Variants in ZNF804A observed in about 807,000 individuals in gnomAD.
ZNF804A encodes the protein zinc finger protein 804A.
In ZNF804A, 2 loss-of-function variants were observed where a neutral mutation model predicts 16.5. The observed-to-expected ratio is 0.12, with a 90% CI of 0.05 to 0.38. The LOEUF (loss-of-function observed/expected upper bound fraction) is 0.38. Among genes scored for constraint, ZNF804A ranks in the 10% least tolerant of loss-of-function variants. ZNF804A has a pLI of 0.99. For missense variants in ZNF804A, 1,473 were observed against 1,390.7 expected (o/e 1.06, Z -0.94); for synonymous variants, 534 against 489.6 (o/e 1.09, Z -1.20).
At position 184,938,836 on chromosome 2, in the gene ZNF804A, C is replaced by A. The variant is rs1178703799; in HGVS notation, c.3440C>A (p.Ser1147Ter). The change falls in exon 4 of 4, where the codon TCA becomes TAA. Residue 1147 changes from serine to a stop codon, truncating the protein, a stop_gained. Coordinates refer to ENST00000302277, the MANE Select transcript of ZNF804A (RefSeq NM_194250.2). LOFTEE classifies it low-confidence loss of function (END_TRUNC). ...ALTRTSLPQL[S>*]VGPVGPRLCP... ...ACCAGAACCTCATTACCTCAGCTCT[C>A]AGTAGGACCAGTAGGACCGAGGCTT... 1 of 1,614,002 alleles carries A rather than the reference C, an allele frequency of 6.2e-7. No individual in the cohort carries two copies.
rs375994790 is a variant in ZNF804A, at chr2:184,936,884, A to G, written c.1488A>G (p.Pro496=). ...QQKQEDICMG[P]LSDYKDVSTE... is the part of the protein sequence containing the mutation. ...AGCAGGAAGACATTTGCATGGGACC[A>G]CTTTCAGATTACAAGGATGTATCTA... The change falls in exon 4 of 4, where the codon CCA becomes CCG. Residue 496 remains proline (P), a synonymous_variant. Transcript: ENST00000302277. 6 of 1,613,606 alleles carry G rather than the reference A, an allele frequency of 3.7e-6. No individual in the cohort carries two copies. The highest frequency in any genetic ancestry group is 5.1e-6 in the Non-Finnish European group (6 of 1,179,768).
chr2:184,744,363 A>T lies in ZNF804A; in HGVS notation c.112-122006A>T, dbSNP rs1348984922. ...GTCTCCCCAAAATTCATATGTTGAA[A>T]CCCTAACCCCTAAGGTGATTTTAAG... On this transcript the variant is annotated intron_variant, in intron 1 of 3. Coordinates refer to ENST00000302277, the MANE Select transcript of ZNF804A (RefSeq NM_194250.2). Among the ~76,000 whole-genome samples, 4 of 151,906 alleles carry T rather than the reference A, an allele frequency of 2.6e-5. No homozygotes were observed. In the South Asian group the frequency reaches 8.3e-4, roughly 32 times the overall value.
chr2:184,814,106 T>C (rs1338105428), intron 1 of ZNF804A, among the ~76,000 whole-genome samples: 1 of 144,720 alleles, frequency 6.9e-6, no homozygotes, highest in Non-Finnish European at 1.5e-5. Flanking sequence ...GGCTGAAGAC[T>C]GATTTCTCTC....
chr2:184,811,436 A>G (rs1387154187), intron 1 of ZNF804A, among the ~76,000 whole-genome samples: 1 of 89,854 alleles, frequency 1.1e-5, no homozygotes, highest in Non-Finnish European at 2.3e-5. Flanking sequence ...TATTACTAAG[A>G]TTATTAGTAT....
intron 2 of ZNF804A, among the ~76,000 whole-genome samples, chr2:184,904,759 C>T (rs1685243859): frequency 6.6e-6 from 1 of 151,972 alleles, no homozygotes; most frequent in African/African-American, 2.4e-5. Flanking sequence ...TGTAGTCTAT[C>T]AGTTTTCTTT....
intron 1 of ZNF804A, among the ~76,000 whole-genome samples, chr2:184,668,755 T>C (rs1692293484): frequency 6.6e-6 from 1 of 152,038 alleles, no homozygotes; most frequent in South Asian, 2.1e-4. Context: ...TTATATATTA[T>C]AAATAGCTAG....
chr2:184,657,772 A>C (rs146552654), intron 1 of ZNF804A, among the ~76,000 whole-genome samples: 56 of 152,256 alleles, frequency 3.7e-4, no homozygotes, highest in African/African-American at 1.3e-3. Flanking sequence ...GGAGGGATGG[A>C]TTTTTATAAG....
intron 2 of ZNF804A, among the ~76,000 whole-genome samples, chr2:184,925,816 A>T (rs1343670775): frequency 1.3e-5 from 2 of 151,992 alleles, no homozygotes; most frequent in African/African-American, 4.8e-5. Flanking sequence ...AACGTGAGCA[A>T]ACAAGCAAAA....
chr2:184,862,786 T>A (rs1695819542), intron 1 of ZNF804A, among the ~76,000 whole-genome samples: 1 of 152,038 alleles, frequency 6.6e-6, no homozygotes, highest in Admixed American at 6.6e-5. Context: ...AAGATGGTAA[T>A]ATATGGGCCT....
chr2:184,791,134 A>G (rs554732935), intron 1 of ZNF804A, among the ~76,000 whole-genome samples: 1 of 151,438 alleles, frequency 6.6e-6, no homozygotes, highest in African/African-American at 2.4e-5. Flanking sequence ...CCAGTTTTCC[A>G]CTCTGTATCT....
chr2:184,832,808 A>G (rs1234560420), intron 1 of ZNF804A, among the ~76,000 whole-genome samples: 1 of 151,816 alleles, frequency 6.6e-6, no homozygotes, highest in Non-Finnish European at 1.5e-5. Context: ...CCAAAAGTTC[A>G]TTGTGTTTTA....
At chr2:184,610,992 C>G (rs1299911415) in intron 1 of ZNF804A, among the ~76,000 whole-genome samples, 5 of 152,104 alleles carry the variant, frequency 3.3e-5, no homozygotes. Flanking sequence ...GCTGTTATAA[C>G]AAAATACCAC....
At chr2:184,627,120 A>G (rs17508671) in intron 1 of ZNF804A, among the ~76,000 whole-genome samples, 16,636 of 152,214 alleles carry the variant, frequency 0.11, 1,177 homozygotes, top group Non-Finnish European at 0.16. Context: ...TTAGCAAACT[A>G]GTCTGGAATA....
intron 1 of ZNF804A, among the ~76,000 whole-genome samples, chr2:184,743,406 TG>T (rs988142676): frequency 6.6e-6 from 1 of 152,038 alleles, no homozygotes; most frequent in African/African-American, 2.4e-5. Flanking sequence ...CTTTGAACAG[TG>T]GTTGGATAAG....
Position 184,821,815 on chromosome 2 carries a change from A to G in ZNF804A, c.112-44554A>G, listed in dbSNP as rs572849800. ...GCGGCCAACAAACATGAAAAAAAGC[A>G]CAACATCACTGATCATTAGAGAAAT... is the stretch of plus-strand genomic sequence containing the variant. On this transcript the variant is annotated intron_variant, in intron 1 of 3. Transcript: ENST00000302277. Among the ~76,000 whole-genome samples, 7 of 152,180 alleles carry G rather than the reference A, an allele frequency of 4.6e-5. No individual in the cohort carries two copies. In the East Asian group the frequency reaches 1.4e-3, roughly 29 times the overall value.
chr2:184,631,232 G>A (rs1447279651), intron 1 of ZNF804A, among the ~76,000 whole-genome samples: 1 of 152,010 alleles, frequency 6.6e-6, no homozygotes, highest in Non-Finnish European at 1.5e-5. Flanking sequence ...TACCATATAC[G>A]TAAGCAAAGC....
intron 2 of ZNF804A, among the ~76,000 whole-genome samples, chr2:184,895,195 CGTGTGT>C (rs199534524): frequency 1.3e-5 from 2 of 150,622 alleles, no homozygotes; most frequent in Non-Finnish European, 3.0e-5. Context: ...TTTTTATGCT[CGTGTGT>C]GTGTGTGTTT....
At chr2:184,655,336 G>A (rs568843274) in intron 1 of ZNF804A, among the ~76,000 whole-genome samples, 5 of 152,290 alleles carry the variant, frequency 3.3e-5, no homozygotes, top group African/African-American at 1.2e-4. Flanking sequence ...GACAAACACT[G>A]TCAAGTTGCA....
At chr2:184,905,105 G>A (rs1185158736) in intron 2 of ZNF804A, among the ~76,000 whole-genome samples, 1 of 152,008 alleles carries the variant, frequency 6.6e-6, no homozygotes, top group Non-Finnish European at 1.5e-5. Flanking sequence ...GTGTGTGTGT[G>A]TGTGTGTGTC....
Sources: gnomAD v4.1 joint callset for allele counts (sites outside exome capture counted in the v4.1 genomes callset) on GRCh38, gnomAD v4.1.1 for gene constraint, MANE v1.5 for transcripts, NCBI Gene and HGNC (gene_info 2026-07-23, HGNC 2026-07-21) for gene names.